Variants in RAB3IP observed in about 807,000 individuals in gnomAD.
The protein encoded by RAB3IP is rab-3A-interacting protein.
RAB3IP carries 36 observed loss-of-function variants against 59.1 expected under a neutral mutation model. The observed-to-expected ratio is 0.61, with a 90% CI of 0.47 to 0.80. The LOEUF (loss-of-function observed/expected upper bound fraction) is 0.80. RAB3IP is among the 30% of genes least tolerant of loss of function. The probability of loss-of-function intolerance (pLI) is 0.00; values close to 1 mark genes in which losing one functional copy is unlikely to be tolerated. For synonymous variants in RAB3IP, 207 were observed against 191.2 expected, an observed-to-expected ratio of 1.08 and a Z score of -0.68; for missense variants, 511 against 536.0, an observed-to-expected ratio of 0.95 and a Z score of 0.46.
At position 69,820,815 on chromosome 12, in the gene RAB3IP, G is replaced by A. The variant is rs937507747; in HGVS notation, c.*5369G>A. 1.2e-4 allele frequency: 15 copies of A among 128,996 alleles called. 1 individual carries two copies. In the East Asian group the frequency reaches 3.7e-3, roughly 31 times the overall value. The allele number at this position is 128,996 out of a possible 1,614,324, so 8.0% of individuals were successfully genotyped here. ...AGAGGTTGTGGTGAGTTGACATCAC[G>A]CCATTGCACTCCAGCCTGGGCAACA... On this transcript the variant is annotated 3_prime_UTR_variant, in exon 11 of 11. Transcript: ENST00000247833.
chr12:69,795,132 C>A lies in RAB3IP; in HGVS notation c.685-9C>A, dbSNP rs376405737. On this transcript the variant is annotated splice_polypyrimidine_tract_variant and intron_variant, in intron 5 of 10. Transcript: ENST00000247833. ...TTAATGTATGTGACTATGTTGATTT[C>A]TTTCCAAGATTGATGTACTTCAAGC... is the stretch of plus-strand genomic sequence containing the variant. The A allele has an allele frequency of 5.6e-6, 9 of 1,607,304 alleles. No individual in the cohort carries two copies. The highest frequency in any genetic ancestry group is 2.2e-5 in the South Asian group (2 of 90,654).
intron 3 of RAB3IP, among the ~76,000 whole-genome samples, chr12:69,767,275 A>T (rs1872363369): frequency 6.6e-6 from 1 of 151,814 alleles, no homozygotes; most frequent in South Asian, 2.1e-4. Flanking sequence ...AGCAGGTTTT[A>T]TATTGGGCTG....
chr12:69,750,180 AT>A (rs1869012752), intron 1 of RAB3IP, among the ~76,000 whole-genome samples: 1 of 152,144 alleles, frequency 6.6e-6, no homozygotes, highest in Non-Finnish European at 1.5e-5. Flanking sequence ...TATGCTTAAT[AT>A]TTAGTAAGTG....
rs143559743 is a variant in RAB3IP, at chr12:69,770,215, A to G, written c.510+13552A>G. Among the ~76,000 whole-genome samples the G allele has an allele frequency of 1.5e-4, 23 of 152,308 alleles. No individual in the cohort carries two copies. The East Asian group carries it at 3.9e-3, about 26-fold the overall frequency. On this transcript the variant is annotated intron_variant, in intron 3 of 10. Coordinates refer to ENST00000247833, the MANE Select transcript of RAB3IP (RefSeq NM_022456.5). ...TGAAGTCTTGGATTTGATGAAATACACTTGATTATAGAGTTGTAAATATAC... is the reference window on the plus strand; with the variant it reads ...TGAAGTCTTGGATTTGATGAAATACGCTTGATTATAGAGTTGTAAATATAC...
intron 3 of RAB3IP, among the ~76,000 whole-genome samples, chr12:69,779,742 T>G (rs1874336687): frequency 6.6e-6 from 1 of 152,148 alleles, no homozygotes; most frequent in Non-Finnish European, 1.5e-5. Flanking sequence ...TCTGAATTGT[T>G]TATCTGTATT....
intron 8 of RAB3IP, among the ~76,000 whole-genome samples, chr12:69,805,722 G>C (rs571603264): frequency 2.0e-5 from 3 of 151,594 alleles, no homozygotes; most frequent in Admixed American, 2.0e-4. Flanking sequence ...GTTGAATTTT[G>C]TCAAAGGCCT....
chr12:69,789,016 G>A (rs766916727), intron 4 of RAB3IP, among the ~76,000 whole-genome samples: 2 of 151,808 alleles, frequency 1.3e-5, no homozygotes, highest in Non-Finnish European at 2.9e-5. Flanking sequence ...AAAACACAAC[G>A]TACCAAAACT....
At chr12:69,768,937 A>G (rs1265700880) in intron 3 of RAB3IP, among the ~76,000 whole-genome samples, 1 of 152,114 alleles carries the variant, frequency 6.6e-6, no homozygotes, top group Non-Finnish European at 1.5e-5. Flanking sequence ...CCCAAATCTC[A>G]TCTTGAATTC....
At chr12:69,763,627 T>A (rs1428965790) in intron 3 of RAB3IP, among the ~76,000 whole-genome samples, 1 of 152,212 alleles carries the variant, frequency 6.6e-6, no homozygotes, top group Admixed American at 6.5e-5. Flanking sequence ...TCAACTTTTA[T>A]TTTAAATTTA....
intron 4 of RAB3IP, among the ~76,000 whole-genome samples, chr12:69,787,533 A>T (rs965224756): frequency 6.6e-6 from 1 of 152,074 alleles, no homozygotes; most frequent in Non-Finnish European, 1.5e-5. Flanking sequence ...CATGATCCTA[A>T]CTCTTGCTTT....
Position 69,817,453 on chromosome 12 carries a change from AAACCATAAAAGAT to A in RAB3IP, c.*2020_*2032del, listed in dbSNP as rs1045040693. ...CTTAAACTGGAAGCAGGAAAAAAAAAAACCATAAAAGATAACCATAAAAGAATATAAGTTATGG... is the reference window on the plus strand; with the variant it reads ...CTTAAACTGGAAGCAGGAAAAAAAAAAACCATAAAAGAATATAAGTTATGG... On this transcript the variant is annotated 3_prime_UTR_variant, in exon 11 of 11. Transcript: ENST00000247833. The A allele has an allele frequency of 2.8e-4, 42 of 152,046 alleles. No homozygotes were observed. Among genetic ancestry groups the A allele is most frequent in the African/African-American group, 9.4e-4 (39 of 41,520 alleles). The allele number at this position is 152,046 out of a possible 1,614,324, so 9.4% of individuals were successfully genotyped here. A position where few individuals can be genotyped will look rare whatever the true frequency, so the allele number is the denominator to read the frequency against.
At chr12:69,756,295 A>G (rs1021511294) in intron 2 of RAB3IP, 110 bp from the exon 3 acceptor site, 3 of 1,110,270 alleles carry the variant, frequency 2.7e-6, no homozygotes, top group Non-Finnish European at 2.6e-6. Flanking sequence ...CTATTTATTT[A>G]AATATAGAAG....
At chr12:69,790,314 A>G (rs1416293630) in intron 4 of RAB3IP, among the ~76,000 whole-genome samples, 10 of 152,236 alleles carry the variant, frequency 6.6e-5, no homozygotes, top group Admixed American at 6.5e-4. Flanking sequence ...AGTGTCAAAA[A>G]GCATCAAAAA....
At chr12:69,770,573 A>G (rs1469162538) in intron 3 of RAB3IP, among the ~76,000 whole-genome samples, 1 of 152,094 alleles carries the variant, frequency 6.6e-6, no homozygotes, top group Non-Finnish European at 1.5e-5. Flanking sequence ...GTATCTCTCA[A>G]ATTTCTTGTC....
chr12:69,769,092 C>T lies in RAB3IP; in HGVS notation c.510+12429C>T, dbSNP rs548435999. ...CCCTGCTCAATCTCTCTTCTGTTGT[C>T]TGCCACCATGTTAGATGTGTATTTC... On this transcript the variant is annotated intron_variant, in intron 3 of 10. Coordinates refer to ENST00000247833, the MANE Select transcript of RAB3IP (RefSeq NM_022456.5). 2.0e-5 allele frequency among the ~76,000 whole-genome samples: 3 copies of T among 151,864 alleles called. No homozygotes were observed. In the South Asian group the frequency reaches 6.2e-4, roughly 31 times the overall value.
At position 69,789,543 on chromosome 12, in the gene RAB3IP, A is replaced by T. The variant is rs114828333; in HGVS notation, c.606+4728A>T. Reference sequence around the variant, plus strand: ...AAGAATCAGTGCCAATTCTTTTTACACTCTTACAAAAATAGAAGAGGGAAC... The same window carrying T: ...AAGAATCAGTGCCAATTCTTTTTACTCTCTTACAAAAATAGAAGAGGGAAC... On this transcript the variant is annotated intron_variant, in intron 4 of 10. Coordinates refer to ENST00000247833, the MANE Select transcript of RAB3IP (RefSeq NM_022456.5). 5.1e-3 allele frequency among the ~76,000 whole-genome samples: 776 copies of T among 152,184 alleles called. 13 individuals carry two copies. Among genetic ancestry groups the T allele is most frequent in the African/African-American group, 0.018 (736 of 41,552 alleles).
rs779997569 is a variant in RAB3IP, at chr12:69,815,533, G to T, written c.*87G>T. 4.2e-5 allele frequency: 42 copies of T among 988,712 alleles called. No homozygotes were observed. The highest frequency in any genetic ancestry group is 6.3e-5 in the Non-Finnish European group (40 of 634,082). The allele number at this position is 988,712 out of a possible 1,614,324, so 61.2% of individuals were successfully genotyped here. A position where few individuals can be genotyped will look rare whatever the true frequency, so the allele number is the denominator to read the frequency against. On this transcript the variant is annotated 3_prime_UTR_variant, in exon 11 of 11. Transcript: ENST00000247833. ...TGGTTACTTGATATTTATTTCCAAG[G>T]AGTGAGCCTAAGACTTTTTTCCCCT... is the stretch of plus-strand genomic sequence containing the variant.
intron 5 of RAB3IP, 85 bp downstream of exon 5, chr12:69,794,599 T>A (rs894178173): frequency 9.1e-7 from 1 of 1,103,132 alleles, no homozygotes; most frequent in Non-Finnish European, 1.3e-6. Context: ...GATTTTGTTC[T>A]GATCGTAAAG....
At chr12:69,784,061 C>A (rs936353113) in intron 3 of RAB3IP, among the ~76,000 whole-genome samples, 1 of 152,068 alleles carries the variant, frequency 6.6e-6, no homozygotes, top group Non-Finnish European at 1.5e-5. Flanking sequence ...TAGTTTAGGG[C>A]TACTTAAGCA....
Sources: allele counts gnomAD v4.1 joint callset (sites outside exome capture counted in the v4.1 genomes callset), GRCh38; gene constraint gnomAD v4.1.1; transcripts MANE v1.5; gene names NCBI Gene and HGNC (gene_info 2026-07-23, HGNC 2026-07-21).